The following TAB3 variants were observed in gnomAD, a reference collection of about 807,000 sequenced individuals.
The protein encoded by TAB3 is TGF-beta activated kinase 1 (MAP3K7) binding protein 3, also known as TGF-beta-activated kinase 1 and MAP3K7-binding protein 3.
A neutral mutation model predicts 48.1 loss-of-function variants in TAB3; 18 were observed. The observed-to-expected ratio is 0.37, with a 90% CI of 0.26 to 0.55. The LOEUF (loss-of-function observed/expected upper bound fraction) is 0.55. Ranked by LOEUF, TAB3 falls within the 20% of genes least tolerant of loss-of-function variation. The pLI is 0.78. For missense variants in TAB3, 414 were observed against 549.8 expected (o/e 0.75, Z 2.47); for synonymous variants, 185 against 190.2 (o/e 0.97, Z 0.22).
chrX:30,840,267 CTTTGT>C (rs1335550838), intron 9 of TAB3, among the ~76,000 whole-genome samples: 1 of 111,036 alleles, frequency 9.0e-6, no homozygotes, highest in Non-Finnish European at 1.9e-5. Flanking sequence ...CTTTCTTCTA[CTTTGT>C]TTTTACTTTG....
rs1939564162 is a variant in TAB3 at position 30,868,584 on chromosome X, TATAGAGAGAGAGAG to T, written c.-279-1049_-279-1036del. On this transcript the variant is annotated intron_variant, in intron 2 of 10. Coordinates refer to ENST00000288422, the MANE Select transcript of TAB3 (RefSeq NM_152787.5). ...TATATAGCTTATATATATATATATA[TATAGAGAGAGAGAG>T]AGAGAGAGAGAGAGAGAGAGCGCGT... Among the ~76,000 whole-genome samples, 2 of 10,691 alleles carry T rather than the reference TATAGAGAGAGAGAG, an allele frequency of 1.9e-4. 1 individual carries two copies. The highest frequency in any genetic ancestry group is 7.6e-3 in the South Asian group (2 of 263). 9.3% of individuals were successfully genotyped at this position (10,691 alleles called of 115,157 possible).
At chrX:30,887,848 T>C (rs921367664) in intron 1 of TAB3, among the ~76,000 whole-genome samples, 2 of 112,435 alleles carry the variant, frequency 1.8e-5, no homozygotes, top group African/African-American at 6.5e-5. Flanking sequence ...GAAAATCACA[T>C]ATTTAATATT....
intron 1 of TAB3, among the ~76,000 whole-genome samples, chrX:30,878,516 A>AAAAGAAAG (rs150393516): frequency 2.5e-5 from 2 of 79,585 alleles, no homozygotes; most frequent in African/African-American, 5.1e-5. Context: ...AAAAAAAAAA[A>AAAAGAAAG]AAAGAAAGAA....
rs1198326395 is a variant in TAB3 at position 30,839,860 on chromosome X, T to C, written c.1888+3106A>G. ...GTGAATCTATCTGGATCTGGAGTTT[T>C]CTTTGTGGGGGAAAATTTTGATAGT... On this transcript the variant is annotated intron_variant, in intron 9 of 10. Transcript: ENST00000288422. Among the ~76,000 whole-genome samples, 14 of 105,802 alleles carry C rather than the reference T, an allele frequency of 1.3e-4. No individual in the cohort carries two copies. The Admixed American group carries it at 1.3e-3, about 10-fold the overall frequency. 91.9% of individuals were successfully genotyped at this position (105,802 alleles called of 115,157 possible).
At chrX:30,838,029 A>C (rs965182808) in intron 9 of TAB3, among the ~76,000 whole-genome samples, 1 of 112,176 alleles carries the variant, frequency 8.9e-6, no homozygotes, top group Non-Finnish European at 1.9e-5. Context: ...CCAGTGATCT[A>C]TTTGTTTATT....
chrX:30,832,973 CT>C (rs771088514), intron 10 of TAB3, among the ~76,000 whole-genome samples: 105 of 97,826 alleles, frequency 1.1e-3, no homozygotes, highest in Admixed American at 1.4e-3. Flanking sequence ...TTCTTTCTTT[CT>C]TTTTTTTTTT....
chrX:30,859,666 C>T lies in TAB3; in HGVS notation c.-78G>A. 1.7e-6 allele frequency: 1 copy of T among 605,717 alleles called. No individual in the cohort carries two copies. Among genetic ancestry groups the T allele is most frequent in the Non-Finnish European group, 2.6e-6 (1 of 387,587 alleles). The allele number at this position is 605,717 out of a possible 1,213,427, so 49.9% of individuals were successfully genotyped here. The stretch of plus-strand genomic sequence containing the variant: ...TTCCAAAAGTAATGATCTTCTAGCA[C>T]CACAGTCATTTTCTATTTAAAAAAA... On this transcript the variant is annotated 5_prime_UTR_variant, in exon 5 of 11. In the 5' UTR this introduces an upstream ATG that the reference lacks. Coordinates refer to ENST00000288422, the MANE Select transcript of TAB3 (RefSeq NM_152787.5).
At chrX:30,848,405 C>A (rs1198042963) in intron 7 of TAB3, among the ~76,000 whole-genome samples, 3 of 111,166 alleles carry the variant, frequency 2.7e-5, no homozygotes, top group Non-Finnish European at 5.7e-5. Flanking sequence ...GCCTGTAGTC[C>A]CAGCTACTCG....
chrX:30,875,514 A>G (rs781290699), intron 1 of TAB3, among the ~76,000 whole-genome samples: 6 of 110,666 alleles, frequency 5.4e-5, no homozygotes, highest in Non-Finnish European at 1.1e-4. Context: ...GATATATATT[A>G]TACCTACATA....
chrX:30,833,788 G>A (rs371936578), intron 10 of TAB3, among the ~76,000 whole-genome samples: 7 of 94,945 alleles, frequency 7.4e-5, no homozygotes, highest in African/African-American at 2.4e-4. Flanking sequence ...CCGGGATAGC[G>A]CCACTGCACT....
intron 1 of TAB3, among the ~76,000 whole-genome samples, chrX:30,877,069 T>G (rs1221290303): frequency 9.0e-6 from 1 of 111,662 alleles, no homozygotes; most frequent in Non-Finnish European, 1.9e-5. Flanking sequence ...AAGGAAAGTT[T>G]TAAAGCATCC....
intron 1 of TAB3, among the ~76,000 whole-genome samples, chrX:30,873,511 C>G (rs1014061237): frequency 1.0e-5 from 1 of 97,601 alleles, no homozygotes; most frequent in African/African-American, 3.9e-5. Flanking sequence ...GGCGACAGAA[C>G]GAGACTCCGT....
Position 30,854,117 on chromosome X carries a change from T to C in TAB3, c.1548A>G (p.Gln516=). 2 of 1,176,915 alleles carry C rather than the reference T, an allele frequency of 1.7e-6. No individual in the cohort carries two copies. The highest frequency in any genetic ancestry group is 2.3e-6 in the Non-Finnish European group (2 of 882,035). ...TTTCATAAAAGGGTTAAAATTTACC[T>C]TGTGTGTAGGCATAGTCATCTGATC... The part of the protein sequence containing the change: ...SSGSDDYAYT[Q]ALLLHQRARM... Residue 516 remains glutamine, a splice_region_variant and synonymous_variant, in exon 6 of 11, where the codon CAA becomes CAG. Transcript: ENST00000288422.
In TAB3 at chrX:30,833,704, A is replaced by G. The variant is rs1403737806; in HGVS notation, c.1990+347T>C. 8.3e-5 allele frequency among the ~76,000 whole-genome samples: 9 copies of G among 108,555 alleles called. No individual in the cohort carries two copies. The East Asian group carries it at 1.5e-3, about 18-fold the overall frequency. 94.3% of individuals were successfully genotyped at this position (108,555 alleles called of 115,157 possible). On this transcript the variant is annotated intron_variant, in intron 10 of 10. Coordinates refer to ENST00000288422, the MANE Select transcript of TAB3 (RefSeq NM_152787.5). Reference sequence around the variant, plus strand: ...AAATTAGCCGGGCGTGGTGGCAGGCACCTGTAGTCCCAGCTACACAGGAGG... The same window carrying G: ...AAATTAGCCGGGCGTGGTGGCAGGCGCCTGTAGTCCCAGCTACACAGGAGG...
At chrX:30,841,806 T>A (rs1413626119) in intron 9 of TAB3, among the ~76,000 whole-genome samples, 1 of 112,473 alleles carries the variant, frequency 8.9e-6, no homozygotes, top group Non-Finnish European at 1.9e-5. Context: ...ATTCAATGAC[T>A]ACTTATTTAT....
intron 1 of TAB3, among the ~76,000 whole-genome samples, chrX:30,883,909 G>A (rs757593930): frequency 2.7e-5 from 3 of 111,455 alleles, no homozygotes; most frequent in Admixed American, 1.9e-4. Context: ...GGCTCCCCCT[G>A]CACAGACTCT....
intron 10 of TAB3, 55 bp from the exon 11 acceptor site, chrX:30,831,630 C>T: frequency 8.8e-7 from 1 of 1,134,625 alleles, no homozygotes; most frequent in South Asian, 2.3e-5. Flanking sequence ...TAACCTTTTT[C>T]CAAGTATAAT....
At chrX:30,885,602 G>A (rs1940107690) in intron 1 of TAB3, among the ~76,000 whole-genome samples, 1 of 110,168 alleles carries the variant, frequency 9.1e-6, no homozygotes, top group South Asian at 3.8e-4. Context: ...AGGATGGAGC[G>A]GGGGATGGCA....
rs771226680 is a variant in TAB3, at chrX:30,846,635, T to C, written c.1720A>G (p.Met574Val). ...CTGTTCATGCTTCTCAATCTTGTCA[T>C]TTCCTCAGGCTAGTAAGAAAGGACC... is the stretch of plus-strand genomic sequence containing the variant. ...CTTAIPTPEEMTRLRSMNRQL... is the reference protein window; with the variant it reads ...CTTAIPTPEEVTRLRSMNRQL... Residue 574 changes from methionine to valine, a missense_variant, in exon 8 of 11, where the codon ATG becomes GTG. Met to Val is a conservative substitution (Grantham distance 21). Transcript: ENST00000288422. The C allele has an allele frequency of 5.0e-6, 6 of 1,192,199 alleles. No individual in the cohort carries two copies. The highest frequency in any genetic ancestry group is 6.8e-6 in the Non-Finnish European group (6 of 881,862).
Sources: allele counts gnomAD v4.1 joint callset (sites outside exome capture counted in the v4.1 genomes callset), GRCh38; gene constraint gnomAD v4.1.1; transcripts MANE v1.5; gene names NCBI Gene and HGNC (gene_info 2026-07-23, HGNC 2026-07-21).